The following HS6ST3 variants were observed in gnomAD, a reference collection of about 807,000 sequenced individuals.
The protein encoded by HS6ST3 is heparan sulfate 6-O-sulfotransferase 3.
A neutral mutation model predicts 36.7 loss-of-function variants in HS6ST3; 12 were observed. The observed-to-expected ratio is 0.33, with a 90% CI of 0.21 to 0.53. HS6ST3 has a LOEUF of 0.53. Among genes scored for constraint, HS6ST3 ranks in the 20% least tolerant of loss-of-function variants. HS6ST3 has a pLI of 0.95. For synonymous variants in HS6ST3, 240 were observed against 257.5 expected, an observed-to-expected ratio of 0.93 and a Z score of 0.65; for missense variants, 584 against 640.9, an observed-to-expected ratio of 0.91 and a Z score of 0.96.
chr13:96,839,531 A>C lies in HS6ST3; in HGVS notation c.*6333A>C, dbSNP rs1373918403. ...TGAAGCACAATTTAATGAATAAGTT[A>C]AAATATTAAACTGTTGTGATGTCAA... On this transcript the variant is annotated 3_prime_UTR_variant, in exon 2 of 2. Coordinates refer to ENST00000376705, the MANE Select transcript of HS6ST3 (RefSeq NM_153456.4). The C allele has an allele frequency of 3.3e-5, 5 of 152,226 alleles. No homozygotes were observed. Among genetic ancestry groups the C allele is most frequent in the Non-Finnish European group, 7.3e-5 (5 of 68,034 alleles). The allele number at this position is 152,226 out of a possible 1,614,324, so 9.4% of individuals were successfully genotyped here.
At chr13:96,549,693 G>A (rs2056211452) in intron 1 of HS6ST3, among the ~76,000 whole-genome samples, 1 of 152,056 alleles carries the variant, frequency 6.6e-6, no homozygotes, top group African/African-American at 2.4e-5. Flanking sequence ...TTTATGAGAA[G>A]GCCTGAGAAC....
intron 1 of HS6ST3, among the ~76,000 whole-genome samples, chr13:96,136,711 A>ATATATG (rs2054004197): frequency 8.2e-6 from 1 of 121,330 alleles, no homozygotes. Context: ...ATATATATAT[A>ATATATG]TATATATAGT....
Position 96,424,000 on chromosome 13 carries a change from T to G in HS6ST3, c.707+332431T>G, listed in dbSNP as rs566494209. On this transcript the variant is annotated intron_variant, in intron 1 of 1. Coordinates refer to ENST00000376705, the MANE Select transcript of HS6ST3 (RefSeq NM_153456.4). Reference sequence around the variant, plus strand: ...TAAGCCTGTTATTCCAATTTTACACTTCATAAAGACTGGATTCAAAACTAC... The same window carrying G: ...TAAGCCTGTTATTCCAATTTTACACGTCATAAAGACTGGATTCAAAACTAC... Among the ~76,000 whole-genome samples, 7 of 152,320 alleles carry G rather than the reference T, an allele frequency of 4.6e-5. No homozygotes were observed. The East Asian group carries it at 1.4e-3, about 29-fold the overall frequency.
chr13:96,459,100 TAAAA>T lies in HS6ST3; in HGVS notation c.707+367553_707+367556del, dbSNP rs747439262. ...GCCTGGGCGACAGAGCAAGACTGTC[TAAAA>T]AAAAAAAAAAAAAAAAAAAAAGAGG... On this transcript the variant is annotated intron_variant, in intron 1 of 1. Transcript: ENST00000376705. Among the ~76,000 whole-genome samples the T allele has an allele frequency of 7.2e-4, 46 of 63,882 alleles. 1 individual carries two copies. The highest frequency in any genetic ancestry group is 3.3e-3 in the African/African-American group (37 of 11,138). 41.9% of individuals were successfully genotyped at this position (63,882 alleles called of 152,430 possible).
intron 1 of HS6ST3, among the ~76,000 whole-genome samples, chr13:96,175,294 A>G (rs1322521538): frequency 6.6e-6 from 1 of 152,080 alleles, no homozygotes; most frequent in Non-Finnish European, 1.5e-5. Context: ...GAGCGTGTGC[A>G]CTTTCCCATC....
intron 1 of HS6ST3, among the ~76,000 whole-genome samples, chr13:96,402,916 T>C (rs1430652728): frequency 6.6e-6 from 1 of 152,230 alleles, no homozygotes. Flanking sequence ...TTCCTTTCGC[T>C]TGGGTAACAC....
chr13:96,648,496 TTA>T (rs1491508991), intron 1 of HS6ST3, among the ~76,000 whole-genome samples: 8 of 151,538 alleles, frequency 5.3e-5, no homozygotes, highest in Non-Finnish European at 1.2e-4. Flanking sequence ...TTTTTTTTTT[TTA>T]TTTTATTTTA....
chr13:96,491,748 C>T (rs189406256), intron 1 of HS6ST3, among the ~76,000 whole-genome samples: 38 of 152,310 alleles, frequency 2.5e-4, no homozygotes, highest in Non-Finnish European at 4.7e-4. Context: ...CAGTCTCTGT[C>T]ACATGCTAAA....
At chr13:96,265,694 A>G (rs1194362309) in intron 1 of HS6ST3, among the ~76,000 whole-genome samples, 2 of 152,186 alleles carry the variant, frequency 1.3e-5, no homozygotes, top group African/African-American at 2.4e-5. Context: ...GGACAGGACC[A>G]TGGTGACCTT....
chr13:96,569,060 G>A (rs2056291793), intron 1 of HS6ST3, among the ~76,000 whole-genome samples: 1 of 152,132 alleles, frequency 6.6e-6, no homozygotes, highest in African/African-American at 2.4e-5. Context: ...TTGCTTTATG[G>A]CTTTAAAACA....
intron 1 of HS6ST3, among the ~76,000 whole-genome samples, chr13:96,403,982 G>A (rs1925124): frequency 0.89 from 136,047 of 152,154 alleles, 61,090 homozygotes; most frequent in South Asian, 0.94. Context: ...AATATAAATG[G>A]GAAGTGTCTC....
intron 1 of HS6ST3, among the ~76,000 whole-genome samples, chr13:96,268,054 A>G (rs748610816): frequency 2.6e-4 from 39 of 151,966 alleles, no homozygotes; most frequent in Middle Eastern, 3.2e-3. Flanking sequence ...TTCATCTTTT[A>G]TAAGGACATC....
chr13:96,464,240 C>T (rs1205200139), intron 1 of HS6ST3, among the ~76,000 whole-genome samples: 1 of 150,438 alleles, frequency 6.6e-6, no homozygotes, highest in African/African-American at 2.4e-5. Context: ...TGCTTCCTTA[C>T]CCCCCTACCC....
chr13:96,486,132 T>C (rs547107142), intron 1 of HS6ST3, among the ~76,000 whole-genome samples: 1 of 151,578 alleles, frequency 6.6e-6, no homozygotes, highest in East Asian at 2.0e-4. Flanking sequence ...TTTTGTCCTT[T>C]CGATAGTTTG....
At chr13:96,256,605 C>T (rs1018873219) in intron 1 of HS6ST3, among the ~76,000 whole-genome samples, 1 of 152,156 alleles carries the variant, frequency 6.6e-6, no homozygotes, top group Non-Finnish European at 1.5e-5. Context: ...CAGGGCTTTG[C>T]ACAAGTTGTT....
At chr13:96,236,127 T>C (rs2054533390) in intron 1 of HS6ST3, among the ~76,000 whole-genome samples, 1 of 152,154 alleles carries the variant, frequency 6.6e-6, no homozygotes, top group Admixed American at 6.5e-5. Flanking sequence ...AGAAAGATGA[T>C]GGCCTGAAGA....
chr13:96,598,231 T>C (rs1187444352), intron 1 of HS6ST3, among the ~76,000 whole-genome samples: 1 of 152,138 alleles, frequency 6.6e-6, no homozygotes. Flanking sequence ...GGTATTTTGA[T>C]AGGAATTGCG....
intron 1 of HS6ST3, among the ~76,000 whole-genome samples, chr13:96,542,314 G>A (rs899738928): frequency 6.6e-6 from 1 of 152,126 alleles, no homozygotes; most frequent in Admixed American, 6.5e-5. Flanking sequence ...ACATGCTCCT[G>A]GTGGGTAGGG....
At chr13:96,181,177 T>C (rs1264553292) in intron 1 of HS6ST3, among the ~76,000 whole-genome samples, 1 of 152,220 alleles carries the variant, frequency 6.6e-6, no homozygotes, top group East Asian at 1.9e-4. Flanking sequence ...TTAGCAATTT[T>C]ATCTTCTAGG....
Sources: allele counts gnomAD v4.1 joint callset (sites outside exome capture counted in the v4.1 genomes callset), GRCh38; gene constraint gnomAD v4.1.1; transcripts MANE v1.5; gene names NCBI Gene and HGNC (gene_info 2026-07-23, HGNC 2026-07-21).